Variants in TRIM23 observed in about 807,000 individuals in gnomAD.
TRIM23 encodes E3 ubiquitin-protein ligase TRIM23.
In TRIM23, 27 loss-of-function variants were observed where a neutral mutation model predicts 71.0. The ratio of observed to expected loss-of-function variants is 0.38; its 90% CI spans 0.28 to 0.52. The LOEUF (loss-of-function observed/expected upper bound fraction) is 0.52, where lower values mean the gene tolerates loss of function less well. Ranked by LOEUF, TRIM23 falls within the 20% of genes least tolerant of loss-of-function variation. The pLI is 0.84. For synonymous variants in TRIM23, 234 were observed against 238.0 expected, an observed-to-expected ratio of 0.98 and a Z score of 0.16; for missense variants, 482 against 692.3, an observed-to-expected ratio of 0.70 and a Z score of 3.41.
Position 65,614,039 on chromosome 5 carries a change from C to T in TRIM23, c.366+59G>A, listed in dbSNP as rs1754718738. 4 of 1,588,340 alleles carry T rather than the reference C, an allele frequency of 2.5e-6. No individual in the cohort carries two copies. The Admixed American group carries it at 7.3e-5, about 29-fold the overall frequency. On this transcript the variant is annotated intron_variant, in intron 3 of 10. Coordinates refer to ENST00000231524, the MANE Select transcript of TRIM23 (RefSeq NM_001656.4). Reference sequence around the variant, plus strand: ...TGAAGTAATATTGTGCTAATAATGGCATCTATTAAAAGAAAAATTCATGCT... The same window carrying T: ...TGAAGTAATATTGTGCTAATAATGGTATCTATTAAAAGAAAAATTCATGCT...
intron 6 of TRIM23, chr5:65,606,913 A>G (rs1288306485): frequency 6.6e-6 from 1 of 152,270 alleles, no homozygotes; most frequent in East Asian, 1.9e-4. Context: ...TCTTCTTGCT[A>G]GAATGCTAAT....
chr5:65,623,051 T>C (rs990490058), intron 1 of TRIM23, among the ~76,000 whole-genome samples: 2 of 152,240 alleles, frequency 1.3e-5, no homozygotes, highest in Non-Finnish European at 2.9e-5. Context: ...ACCTGTAGAA[T>C]AACTTCATTA....
chr5:65,605,248 T>A (rs1386621528), intron 6 of TRIM23, among the ~76,000 whole-genome samples: 1 of 152,198 alleles, frequency 6.6e-6, no homozygotes, highest in Non-Finnish European at 1.5e-5. Context: ...AGCATATAGA[T>A]AAATGGAACA....
At chr5:65,618,036 A>G in intron 2 of TRIM23, 57 bp downstream of exon 2, 1 of 1,458,572 alleles carries the variant, frequency 6.9e-7, no homozygotes, top group Non-Finnish European at 9.2e-7. Context: ...GTTTCCTATG[A>G]CATTTGCATT....
intron 2 of TRIM23, among the ~76,000 whole-genome samples, chr5:65,616,854 T>A (rs1360383167): frequency 6.6e-6 from 1 of 151,800 alleles, no homozygotes; most frequent in African/African-American, 2.4e-5. Flanking sequence ...CCCAAGTAGC[T>A]GGGATTACAG....
chr5:65,596,297 C>A, intron 9 of TRIM23, 124 bp downstream of exon 9: 1 of 673,956 alleles, frequency 1.5e-6, no homozygotes, highest in Non-Finnish European at 2.6e-6. Flanking sequence ...AAGAAACTGG[C>A]CACAGGTACT....
chr5:65,595,464 A>G (rs1354464805), intron 9 of TRIM23, among the ~76,000 whole-genome samples: 1 of 151,420 alleles, frequency 6.6e-6, no homozygotes, highest in East Asian at 2.0e-4. Context: ...AGGCTGAGGC[A>G]GGAGAATGGC....
intron 2 of TRIM23, 36 bp from the exon 3 acceptor site, chr5:65,614,255 A>G (rs760946304): frequency 6.3e-7 from 1 of 1,579,376 alleles, no homozygotes; most frequent in Admixed American, 1.7e-5. Context: ...TAAATCTAAC[A>G]AAATGGACTA....
intron 3 of TRIM23, chr5:65,613,638 C>A: frequency 2.8e-6 from 3 of 1,072,508 alleles, no homozygotes; most frequent in South Asian, 4.6e-5. Context: ...AAAGTTTAAC[C>A]TTTTCTTGAA....
chr5:65,615,125 C>A (rs1754747283), intron 2 of TRIM23, among the ~76,000 whole-genome samples: 4 of 152,060 alleles, frequency 2.6e-5, no homozygotes, highest in Non-Finnish European at 5.9e-5. Flanking sequence ...GGTCTCAAAA[C>A]TCCTGGCCTA....
chr5:65,603,303 T>C (rs958167985), intron 7 of TRIM23, among the ~76,000 whole-genome samples: 6 of 152,192 alleles, frequency 3.9e-5, no homozygotes, highest in African/African-American at 1.4e-4. Context: ...TTATTATGTG[T>C]TTTTTACTAC....
chr5:65,616,520 T>C (rs1754782002), intron 2 of TRIM23, among the ~76,000 whole-genome samples: 1 of 150,930 alleles, frequency 6.6e-6, no homozygotes, highest in Non-Finnish European at 1.5e-5. Flanking sequence ...CAGGTGCCTG[T>C]AATCCCAGCT....
At chr5:65,604,339 C>A (rs1754439055) in intron 7 of TRIM23, among the ~76,000 whole-genome samples, 1 of 152,174 alleles carries the variant, frequency 6.6e-6, no homozygotes, top group Non-Finnish European at 1.5e-5. Context: ...AGGTGATCCA[C>A]CCGCCTCGGC....
chr5:65,605,166 A>AT, intron 6 of TRIM23, 121 bp from the exon 7 acceptor site: 1 of 900,032 alleles, frequency 1.1e-6, no homozygotes, highest in Non-Finnish European at 1.6e-6. Flanking sequence ...TTAAATGTAA[A>AT]TTTGACAAAA....
At position 65,611,629 on chromosome 5, in the gene TRIM23, CTT is replaced by C; in HGVS notation, c.617_618del (p.Lys206ArgfsTer18). On this transcript the variant is annotated frameshift_variant, in exon 4 of 11. Coordinates refer to ENST00000231524, the MANE Select transcript of TRIM23 (RefSeq NM_001656.4). LOFTEE classifies it high-confidence loss of function. ...TTGTGACCCTGGTGTTTTCCATATT[CTT>C]TGCAGACACAGCACATGAGTGGGCT... ...QTSPLMCCVC[K>X]EYGKHQGHKH... 1 of 1,613,964 alleles carries C rather than the reference CTT, an allele frequency of 6.2e-7. No homozygotes were observed. The highest frequency in any genetic ancestry group is 8.5e-7 in the Non-Finnish European group (1 of 1,179,884).
intron 1 of TRIM23, among the ~76,000 whole-genome samples, chr5:65,621,359 C>T (rs1581194030): frequency 3.3e-5 from 5 of 152,110 alleles, no homozygotes; most frequent in African/African-American, 1.2e-4. Context: ...CTCAAAAATT[C>T]ACAATAGAAT....
rs759617340 is a variant in TRIM23 at position 65,591,957 on chromosome 5, T to C, written c.1546-9A>G. On this transcript the variant is annotated splice_polypyrimidine_tract_variant and intron_variant, in intron 10 of 10. Coordinates refer to ENST00000231524, the MANE Select transcript of TRIM23 (RefSeq NM_001656.4). The stretch of plus-strand genomic sequence containing the variant: ...AGTGCTCCAGCAACATCCTGAAAGA[T>C]ATATACACATATTTTTTATCAGTCC... 2.5e-6 allele frequency: 4 copies of C among 1,609,060 alleles called. No homozygotes were observed. Among genetic ancestry groups the C allele is most frequent in the East Asian group, 4.5e-5 (2 of 44,802 alleles).
intron 9 of TRIM23, 48 bp downstream of exon 9, chr5:65,596,373 C>T: frequency 1.7e-5 from 23 of 1,322,508 alleles, no homozygotes; most frequent in Non-Finnish European, 2.4e-5. Context: ...ACACTGAAAA[C>T]TGTCATCCTA....
In TRIM23 at chr5:65,591,806, C is replaced by T. The variant is rs768458224; in HGVS notation, c.1688G>A (p.Arg563Gln). The T allele has an allele frequency of 1.9e-5, 31 of 1,609,906 alleles. No homozygotes were observed. The East Asian group carries it at 4.7e-4, about 24-fold the overall frequency. ...CAATACTCCAGCAGCTACAAGTTGC[C>T]GTGAGAGCCAGTCCAACCCTTCATA... ...GLYEGLDWLS[R>Q]QLVAAGVLDV... is the part of the protein sequence containing the mutation. Residue 563 changes from arginine to glutamine, a missense_variant, in exon 11 of 11, where the codon CGG (arginine) becomes CAG (glutamine). Around this residue, in one of 2 missense-constraint regions of TRIM23, gnomAD observed 307 missense variants for 495.8 expected, o/e 0.62. Transcript: ENST00000231524.
Sources: allele counts gnomAD v4.1 joint callset (sites outside exome capture counted in the v4.1 genomes callset), GRCh38; gene constraint gnomAD v4.1.1; regional missense constraint gnomAD v4.1.1; transcripts MANE v1.5; gene names NCBI Gene and HGNC (gene_info 2026-07-23, HGNC 2026-07-21).